SLC36A3: variants seen among roughly 807,000 people sequenced by gnomAD.
SLC36A3 encodes the protein solute carrier family 36 member 3.
SLC36A3 carries 35 observed loss-of-function variants against 44.3 expected under a neutral mutation model. The observed-to-expected ratio is 0.79, with a 90% confidence interval of 0.60 to 1.05. The LOEUF is 1.05. Among genes scored for constraint, SLC36A3 ranks in the 50% least tolerant of loss-of-function variants. The pLI is 0.00. For synonymous variants in SLC36A3, 211 were observed against 227.6 expected, an observed-to-expected ratio of 0.93 and a Z score of 0.66; for missense variants, 540 against 578.7, an observed-to-expected ratio of 0.93 and a Z score of 0.69.
rs138369743 is a variant in SLC36A3, at chr5:151,278,943, C to T, written c.1145-1282G>A. On this transcript the variant is annotated intron_variant, in intron 9 of 9. Coordinates refer to ENST00000335230, the MANE Select transcript of SLC36A3 (RefSeq NM_181774.4). ...TACGCTCCATTCTGGTCATGCCAGT[C>T]CTCTGCTCAGTGCCTTTCCATGGCT... Among the ~76,000 whole-genome samples the T allele has an allele frequency of 3.8e-3, 585 of 152,332 alleles. 4 individuals are homozygous for T. Among genetic ancestry groups the T allele is most frequent in the Non-Finnish European group, 6.9e-3 (469 of 68,026 alleles).
Position 151,303,478 on chromosome 5 carries a change from C to A in SLC36A3, c.-124G>T. On this transcript the variant is annotated 5_prime_UTR_variant, in exon 1 of 10. Transcript: ENST00000335230. ...ATGCTGGCTCCTAACCCCAAGGATG[C>A]GTGCTGCTGGCTGAAGCCTGAAGTG... The A allele has an allele frequency of 9.2e-7, 1 of 1,087,798 alleles. No individual in the cohort carries two copies. The highest frequency in any genetic ancestry group is 1.8e-5 in the South Asian group (1 of 56,556). The allele number at this position is 1,087,798 out of a possible 1,614,324, so 67.4% of individuals were successfully genotyped here. A position where few individuals can be genotyped will look rare whatever the true frequency, so the allele number is the denominator to read the frequency against.
At position 151,293,356 on chromosome 5, in the gene SLC36A3, A is replaced by T; in HGVS notation, c.404+8T>A. The stretch of plus-strand genomic sequence containing the variant: ...TGTTGTTACTACTACAACATCTGTG[A>T]CTACTACCTTCCCCACACTGCATGG... On this transcript the variant is annotated splice_region_variant and intron_variant, in intron 4 of 9. Coordinates refer to ENST00000335230, the MANE Select transcript of SLC36A3 (RefSeq NM_181774.4). 1.2e-6 allele frequency: 2 copies of T among 1,607,924 alleles called. No individual in the cohort carries two copies. Among genetic ancestry groups the T allele is most frequent in the Non-Finnish European group, 1.7e-6 (2 of 1,176,240 alleles).
chr5:151,282,702 T>A lies in SLC36A3; in HGVS notation c.974+1342A>T, dbSNP rs575438743. Among the ~76,000 whole-genome samples, 37 of 152,352 alleles carry A rather than the reference T, an allele frequency of 2.4e-4. 1 individual carries two copies. The highest frequency in any genetic ancestry group is 8.9e-4 in the African/African-American group (37 of 41,590). On this transcript the variant is annotated intron_variant, in intron 8 of 9. Coordinates refer to ENST00000335230, the MANE Select transcript of SLC36A3 (RefSeq NM_181774.4). ...TAATATAAAAACTTAGAAGTTAAAATGCTGGGTAAAAGTCTACATGATTTA... is the reference window on the plus strand; with the variant it reads ...TAATATAAAAACTTAGAAGTTAAAAAGCTGGGTAAAAGTCTACATGATTTA...
chr5:151,290,726 T>C (rs1204218045), intron 4 of SLC36A3, among the ~76,000 whole-genome samples: 9 of 152,012 alleles, frequency 5.9e-5, no homozygotes. Flanking sequence ...AAACCCCATC[T>C]CTACTAAAAA....
intron 4 of SLC36A3, among the ~76,000 whole-genome samples, chr5:151,290,436 C>T (rs186826160): frequency 3.3e-5 from 5 of 152,238 alleles, no homozygotes; most frequent in Middle Eastern, 3.4e-3. Context: ...ATGAATATAA[C>T]GAGAATTTAA....
rs955836328 is a variant in SLC36A3 at position 151,285,255 on chromosome 5, A to G, written c.709-544T>C. On this transcript the variant is annotated intron_variant, in intron 6 of 9. Transcript: ENST00000335230. ...TTAAGGCTGAATAATATTCCACTCT[A>G]TATATAGACACCAAATCGTGTTCAT... Among the ~76,000 whole-genome samples the G allele has an allele frequency of 8.5e-5, 13 of 152,186 alleles. 1 individual carries two copies. The highest frequency in any genetic ancestry group is 1.5e-5 in the Non-Finnish European group (1 of 68,028).
chr5:151,289,111 T>C, intron 4 of SLC36A3: 1 of 153,640 alleles, frequency 6.5e-6, no homozygotes, highest in Middle Eastern at 5.9e-4. Flanking sequence ...ACTTAAACCC[T>C]AAATTCTTAA....
At chr5:151,280,144 A>C (rs568241959) in intron 9 of SLC36A3, among the ~76,000 whole-genome samples, 80 of 149,860 alleles carry the variant, frequency 5.3e-4, no homozygotes, top group African/African-American at 1.7e-3. Flanking sequence ...GGGAGGGAAG[A>C]GAGAAGAGTA....
intron 9 of SLC36A3, 29 bp from the exon 10 acceptor site, chr5:151,277,690 C>T (rs1754148347): frequency 1.2e-6 from 2 of 1,604,194 alleles, no homozygotes; most frequent in African/African-American, 2.7e-5. Context: ...TTTAGAATCA[C>T]TGAATGTGCT....
chr5:151,285,531 G>T (rs1432780635), intron 6 of SLC36A3, among the ~76,000 whole-genome samples: 2 of 152,170 alleles, frequency 1.3e-5, no homozygotes, highest in African/African-American at 4.8e-5. Flanking sequence ...GAATCTAGGG[G>T]GAATGATTAT....
intron 6 of SLC36A3, among the ~76,000 whole-genome samples, chr5:151,285,374 G>A (rs369307933): frequency 3.3e-5 from 5 of 152,216 alleles, no homozygotes; most frequent in African/African-American, 1.2e-4. Flanking sequence ...GAACACAGAG[G>A]AGAGGGGAAT....
chr5:151,303,365 G>T lies in SLC36A3; in HGVS notation c.-11C>A. The T allele has an allele frequency of 1.2e-6, 2 of 1,610,812 alleles. No homozygotes were observed. Among genetic ancestry groups the T allele is most frequent in the East Asian group, 4.5e-5 (2 of 44,788 alleles). ...TCCAAGCAATGACATCTTCAACACG[G>T]TGGGTAGGTGGCAGAGGCTCAGGGT... On this transcript the variant is annotated 5_prime_UTR_variant, in exon 1 of 10. Coordinates refer to ENST00000335230, the MANE Select transcript of SLC36A3 (RefSeq NM_181774.4).
intron 5 of SLC36A3, 70 bp from the exon 6 acceptor site, chr5:151,287,534 T>A: frequency 1.4e-6 from 2 of 1,436,356 alleles, no homozygotes; most frequent in Non-Finnish European, 1.9e-6. Flanking sequence ...ACATTTGAAT[T>A]TCAGGTAATT....
chr5:151,284,341 C>G (rs145840965), intron 7 of SLC36A3, 131 bp from the exon 8 acceptor site: 2 of 864,726 alleles, frequency 2.3e-6, no homozygotes. Context: ...GGACTCTCCA[C>G]ATGGCCACAC....
chr5:151,295,349 G>A (rs1331480229), intron 3 of SLC36A3, among the ~76,000 whole-genome samples: 6 of 152,216 alleles, frequency 3.9e-5, no homozygotes, highest in Non-Finnish European at 8.8e-5. Flanking sequence ...CTCTTGGCAC[G>A]ATAACCGCAG....
chr5:151,295,822 G>C (rs1580822603), intron 3 of SLC36A3, among the ~76,000 whole-genome samples: 1 of 152,198 alleles, frequency 6.6e-6, no homozygotes, highest in Non-Finnish European at 1.5e-5. Context: ...AGTGGGAGAA[G>C]GTTGGGGATG....
At chr5:151,299,953 G>T (rs1561641285) in intron 1 of SLC36A3, among the ~76,000 whole-genome samples, 1 of 152,248 alleles carries the variant, frequency 6.6e-6, no homozygotes, top group Admixed American at 6.5e-5. Flanking sequence ...GGCCTTCATG[G>T]TGCTCATTTG....
intron 7 of SLC36A3, 90 bp downstream of exon 7, chr5:151,284,523 C>T: frequency 9.6e-7 from 1 of 1,044,822 alleles, no homozygotes; most frequent in South Asian, 1.6e-5. Context: ...TGCACCTTTT[C>T]ATAAATACTA....
intron 4 of SLC36A3, among the ~76,000 whole-genome samples, chr5:151,290,698 A>G (rs1313742165): frequency 6.6e-6 from 1 of 152,158 alleles, no homozygotes; most frequent in Non-Finnish European, 1.5e-5. Flanking sequence ...GATCGAGACC[A>G]TCCTGGCTAA....
Sources: allele counts gnomAD v4.1 joint callset (sites outside exome capture counted in the v4.1 genomes callset), GRCh38; gene constraint gnomAD v4.1.1; transcripts MANE v1.5; gene names NCBI Gene and HGNC (gene_info 2026-07-23, HGNC 2026-07-21).